DTNBP1: variants seen among roughly 807,000 people sequenced by gnomAD.
The protein encoded by DTNBP1 is dystrobrevin binding protein 1.
Under a neutral mutation model 42.8 loss-of-function variants are expected in DTNBP1, and 35 were observed. The ratio of observed to expected loss-of-function variants is 0.82; its 90% CI spans 0.63 to 1.09. The LOEUF is 1.09. DTNBP1 is among the 50% of genes least tolerant of loss of function. The pLI is 0.00. For missense variants in DTNBP1, 457 were observed against 424.2 expected (o/e 1.08, Z -0.68); for synonymous variants, 171 against 162.2 (o/e 1.05, Z -0.41).
At chr6:15,606,946 A>G (rs891617798) in intron 6 of DTNBP1, among the ~76,000 whole-genome samples, 1 of 152,106 alleles carries the variant, frequency 6.6e-6, no homozygotes, top group Non-Finnish European at 1.5e-5. Context: ...CAGAATGTTA[A>G]TATGTGTTAC....
intron 7 of DTNBP1, among the ~76,000 whole-genome samples, chr6:15,575,268 T>C (rs970293317): frequency 1.3e-5 from 2 of 152,178 alleles, no homozygotes; most frequent in East Asian, 1.9e-4. Context: ...TAGGGTGTAA[T>C]ACAAGACAAA....
intron 9 of DTNBP1, 78 bp from the exon 10 acceptor site, chr6:15,523,297 T>C: frequency 6.3e-7 from 1 of 1,582,346 alleles, no homozygotes; most frequent in Non-Finnish European, 8.7e-7. Flanking sequence ...AGCTGTGGAA[T>C]GTGCCCGTCA....
At chr6:15,569,871 C>T (rs1040630403) in intron 7 of DTNBP1, among the ~76,000 whole-genome samples, 3 of 152,136 alleles carry the variant, frequency 2.0e-5, no homozygotes, top group Non-Finnish European at 4.4e-5. Context: ...TTTCTATACT[C>T]CTTGGTAAAT....
intron 5 of DTNBP1, among the ~76,000 whole-genome samples, chr6:15,620,615 T>C (rs1758989415): frequency 6.6e-6 from 1 of 152,242 alleles, no homozygotes; most frequent in East Asian, 1.9e-4. Context: ...GGTCTTAAAA[T>C]GTATAAAACA....
chr6:15,580,530 A>G (rs1055546872), intron 7 of DTNBP1, among the ~76,000 whole-genome samples: 1 of 152,232 alleles, frequency 6.6e-6, no homozygotes, highest in Admixed American at 6.5e-5. Flanking sequence ...GGAAAACAGT[A>G]TGTTAATGAC....
intron 7 of DTNBP1, among the ~76,000 whole-genome samples, chr6:15,547,594 G>A (rs1432579593): frequency 6.6e-6 from 1 of 152,216 alleles, no homozygotes; most frequent in Non-Finnish European, 1.5e-5. Context: ...CAGAACGGAA[G>A]AGCTCCAGCA....
At chr6:15,568,388 C>T (rs1373873277) in intron 7 of DTNBP1, among the ~76,000 whole-genome samples, 1 of 152,096 alleles carries the variant, frequency 6.6e-6, no homozygotes, top group East Asian at 1.9e-4. Flanking sequence ...CTGAAGGCTC[C>T]CATGTCATGT....
chr6:15,540,402 C>T (rs1205560555), intron 7 of DTNBP1, among the ~76,000 whole-genome samples: 1 of 152,120 alleles, frequency 6.6e-6, no homozygotes, highest in East Asian at 1.9e-4. Context: ...AAGATCAATG[C>T]AGAAATCATC....
intron 7 of DTNBP1, among the ~76,000 whole-genome samples, chr6:15,535,741 G>C (rs897011483): frequency 1.3e-5 from 2 of 152,212 alleles, no homozygotes; most frequent in Non-Finnish European, 2.9e-5. Context: ...GTTACGGGTA[G>C]AGGTTGGAAC....
intron 6 of DTNBP1, 102 bp downstream of exon 6, chr6:15,615,165 C>A: frequency 6.4e-7 from 1 of 1,555,414 alleles, no homozygotes; most frequent in Non-Finnish European, 8.9e-7. Flanking sequence ...TATGTTGAAA[C>A]CTTTGTCTTT....
At chr6:15,619,758 G>A (rs1321786356) in intron 5 of DTNBP1, among the ~76,000 whole-genome samples, 1 of 152,028 alleles carries the variant, frequency 6.6e-6, no homozygotes, top group African/African-American at 2.4e-5. Context: ...CAGAAGTGTT[G>A]ACATTTTCTC....
rs766430322 is a variant in DTNBP1 at position 15,539,800 on chromosome 6, C to G, written c.512-6405G>C. On this transcript the variant is annotated intron_variant, in intron 7 of 9. Transcript: ENST00000344537. ...CTTTCCCTGTCCCTCGCTCCTGCTTCTTGGAATCGCCTCCCAAAGGACCTG... is the reference window on the plus strand; with the variant it reads ...CTTTCCCTGTCCCTCGCTCCTGCTTGTTGGAATCGCCTCCCAAAGGACCTG... Among the ~76,000 whole-genome samples the G allele has an allele frequency of 4.4e-4, 67 of 152,196 alleles. 1 individual carries two copies. Among genetic ancestry groups the G allele is most frequent in the African/African-American group, 9.7e-5 (4 of 41,440 alleles).
At chr6:15,564,229 C>G (rs1774967761) in intron 7 of DTNBP1, among the ~76,000 whole-genome samples, 1 of 152,104 alleles carries the variant, frequency 6.6e-6, no homozygotes, top group Non-Finnish European at 1.5e-5. Flanking sequence ...AAGGAACCTA[C>G]TACTGTTACA....
At chr6:15,530,573 C>T (rs537700387) in intron 8 of DTNBP1, among the ~76,000 whole-genome samples, 1 of 152,156 alleles carries the variant, frequency 6.6e-6, no homozygotes, top group African/African-American at 2.4e-5. Flanking sequence ...TGTGGAGCAA[C>T]TGCAGTACGT....
At chr6:15,550,965 T>C (rs1035819851) in intron 7 of DTNBP1, among the ~76,000 whole-genome samples, 4 of 152,206 alleles carry the variant, frequency 2.6e-5, no homozygotes, top group African/African-American at 9.7e-5. Context: ...TTTCTTGAGA[T>C]TTCACCAATT....
At chr6:15,654,326 T>C (rs1246480075) in intron 1 of DTNBP1, among the ~76,000 whole-genome samples, 1 of 152,226 alleles carries the variant, frequency 6.6e-6, no homozygotes, top group Non-Finnish European at 1.5e-5. Context: ...ATTTCCACTA[T>C]AAAGTTTGAT....
At chr6:15,535,548 C>G (rs1444449225) in intron 7 of DTNBP1, among the ~76,000 whole-genome samples, 1 of 152,084 alleles carries the variant, frequency 6.6e-6, no homozygotes, top group African/African-American at 2.4e-5. Flanking sequence ...AAACTCCTAC[C>G]TCAAGTGATC....
At chr6:15,549,322 T>C (rs1437309189) in intron 7 of DTNBP1, among the ~76,000 whole-genome samples, 4 of 151,652 alleles carry the variant, frequency 2.6e-5, no homozygotes, top group South Asian at 4.2e-4. Flanking sequence ...CTGTCTCTAC[T>C]AAAAATACAA....
upstream of DTNBP1, chr6:15,663,030 G>A (rs1351393444): frequency 1.0e-6 from 1 of 954,032 alleles, no homozygotes; most frequent in East Asian, 3.3e-5. Context: ...CGCAACCCCA[G>A]CCCCTTCCGC....
Sources: allele counts gnomAD v4.1 joint callset (sites outside exome capture counted in the v4.1 genomes callset), GRCh38; gene constraint gnomAD v4.1.1; transcripts MANE v1.5; gene names NCBI Gene and HGNC (gene_info 2026-07-23, HGNC 2026-07-21).